GPR176: variants seen among roughly 807,000 people sequenced by gnomAD.
GPR176 encodes G protein-coupled receptor 176, also known as G-protein coupled receptor 176.
GPR176 carries 26 observed loss-of-function variants against 35.4 expected under a neutral mutation model. The ratio of observed to expected loss-of-function variants is 0.74; its 90% confidence interval spans 0.54 to 1.02. The LOEUF is 1.02. Among genes scored for constraint, GPR176 ranks in the 50% least tolerant of loss-of-function variants. The pLI, the probability that GPR176 is intolerant of heterozygous loss-of-function variation, is 0.00. For synonymous variants in GPR176, 278 were observed against 271.3 expected, an observed-to-expected ratio of 1.02 and a Z score of -0.24; for missense variants, 597 against 665.3, an observed-to-expected ratio of 0.90 and a Z score of 1.13.
intron 1 of GPR176, among the ~76,000 whole-genome samples, chr15:39,852,470 G>A (rs909078726): frequency 1.3e-5 from 2 of 152,188 alleles, no homozygotes; most frequent in Non-Finnish European, 2.9e-5. Context: ...CTAAGATTTT[G>A]CAAAACAATC....
intron 1 of GPR176, among the ~76,000 whole-genome samples, chr15:39,834,262 C>T (rs1375389616): frequency 6.6e-6 from 1 of 152,054 alleles, no homozygotes; most frequent in Non-Finnish European, 1.5e-5. Context: ...CACTGATTGA[C>T]AAAAGCTATA....
At chr15:39,871,054 C>G (rs1290995179) in intron 1 of GPR176, among the ~76,000 whole-genome samples, 1 of 152,128 alleles carries the variant, frequency 6.6e-6, no homozygotes, top group Non-Finnish European at 1.5e-5. Context: ...CCCACAGAAA[C>G]TGACATAATA....
chr15:39,829,030 T>A (rs1595458189), intron 1 of GPR176: 4 of 724,956 alleles, frequency 5.5e-6, no homozygotes, highest in Non-Finnish European at 9.8e-6. Context: ...TTAGGTACTA[T>A]TCTATCCCAT....
At chr15:39,803,202 T>C (rs914716695) in intron 2 of GPR176, among the ~76,000 whole-genome samples, 2 of 151,086 alleles carry the variant, frequency 1.3e-5, no homozygotes, top group African/African-American at 2.4e-5. Flanking sequence ...GGGTTGACCT[T>C]ACAACCTTAG....
chr15:39,886,343 G>A (rs191039274), intron 1 of GPR176, among the ~76,000 whole-genome samples: 14 of 152,332 alleles, frequency 9.2e-5, no homozygotes, highest in Admixed American at 9.1e-4. Flanking sequence ...AGTGTCAGCA[G>A]TAAGAAGGAA....
intron 1 of GPR176, among the ~76,000 whole-genome samples, chr15:39,850,073 G>C (rs2030748155): frequency 6.6e-6 from 1 of 152,108 alleles, no homozygotes. Flanking sequence ...ACTTGTATAG[G>C]GCACTTACCC....
intron 1 of GPR176, among the ~76,000 whole-genome samples, chr15:39,877,085 T>C (rs2032277126): frequency 6.6e-6 from 1 of 152,192 alleles, no homozygotes; most frequent in East Asian, 1.9e-4. Flanking sequence ...ATTAAAAGTC[T>C]CATAAGAAAA....
intron 1 of GPR176, among the ~76,000 whole-genome samples, chr15:39,878,021 G>GA (rs1400959494): frequency 1.3e-5 from 2 of 151,172 alleles, no homozygotes; most frequent in African/African-American, 4.9e-5. Context: ...AGGTATACAT[G>GA]ATGTTTTGAT....
At chr15:39,916,666 A>G (rs375593403) in intron 1 of GPR176, among the ~76,000 whole-genome samples, 21 of 152,380 alleles carry the variant, frequency 1.4e-4, no homozygotes, top group African/African-American at 5.0e-4. Context: ...AGAAAAAAAT[A>G]AAGAAAAACG....
At chr15:39,839,492 G>A (rs1163257549) in intron 1 of GPR176, among the ~76,000 whole-genome samples, 3 of 152,184 alleles carry the variant, frequency 2.0e-5, no homozygotes, top group Admixed American at 6.5e-5. Flanking sequence ...ATGGATTAAA[G>A]GCTTAAATGT....
intron 1 of GPR176, among the ~76,000 whole-genome samples, chr15:39,893,998 T>G (rs1176298767): frequency 4.3e-5 from 2 of 46,310 alleles, no homozygotes; most frequent in Non-Finnish European, 8.2e-5. Flanking sequence ...GCGGCTGGCC[T>G]GGCAGAGGGG....
intron 1 of GPR176, among the ~76,000 whole-genome samples, chr15:39,834,207 A>G (rs1901260861): frequency 6.6e-6 from 1 of 152,214 alleles, no homozygotes; most frequent in African/African-American, 2.4e-5. Flanking sequence ...TTACGAAGAA[A>G]AAGAATCCAG....
At chr15:39,894,153 C>A (rs933155768) in intron 1 of GPR176, among the ~76,000 whole-genome samples, 3 of 121,606 alleles carry the variant, frequency 2.5e-5, no homozygotes, top group Non-Finnish European at 5.3e-5. Context: ...CCACCTCCCT[C>A]CCGGATGGGG....
At position 39,834,649 on chromosome 15, in the gene GPR176, A is replaced by T. The variant is rs1595463349; in HGVS notation, c.173-27391T>A. 4.6e-5 allele frequency among the ~76,000 whole-genome samples: 7 copies of T among 152,316 alleles called. 2 individuals are homozygous for T. The highest frequency in any genetic ancestry group is 4.6e-4 in the Admixed American group (7 of 15,288). On this transcript the variant is annotated intron_variant, in intron 1 of 2. Transcript: ENST00000561100. ...TTGCAACAACATGTATGGGACTGGA[A>T]GTCATTATGTTAAGTGAAGTAATCC...
At chr15:39,912,617 C>CAAA (rs150704404) in intron 1 of GPR176, among the ~76,000 whole-genome samples, 1 of 70,500 alleles carries the variant, frequency 1.4e-5, no homozygotes, top group Non-Finnish European at 3.1e-5. Flanking sequence ...GACCCTGTCT[C>CAAA]AAAAAAAAAA....
chr15:39,877,583 T>C (rs1009377386), intron 1 of GPR176, among the ~76,000 whole-genome samples: 2 of 150,360 alleles, frequency 1.3e-5, no homozygotes, highest in Non-Finnish European at 3.0e-5. Flanking sequence ...TTGTTTTGAG[T>C]TGGAGCCTTG....
intron 1 of GPR176, among the ~76,000 whole-genome samples, chr15:39,833,761 C>T (rs1376802187): frequency 2.6e-5 from 4 of 152,164 alleles, no homozygotes; most frequent in Non-Finnish European, 4.4e-5. Context: ...TTTAATTACA[C>T]TTCCCTTAAA....
intron 1 of GPR176, among the ~76,000 whole-genome samples, chr15:39,872,632 T>C (rs1165491846): frequency 6.6e-6 from 1 of 152,202 alleles, no homozygotes; most frequent in Admixed American, 6.5e-5. Flanking sequence ...CTCACAGTTC[T>C]GCAGGCTGTA....
intron 1 of GPR176, among the ~76,000 whole-genome samples, chr15:39,919,204 ATG>A (rs139095859): frequency 2.3e-3 from 351 of 151,850 alleles, no homozygotes; most frequent in African/African-American, 7.8e-3. Flanking sequence ...TAAATCTGGG[ATG>A]TGTGTGTGTG....
Sources: allele counts gnomAD v4.1 joint callset (sites outside exome capture counted in the v4.1 genomes callset), GRCh38; gene constraint gnomAD v4.1.1; transcripts MANE v1.5; gene names NCBI Gene and HGNC (gene_info 2026-07-23, HGNC 2026-07-21).